CNKSR3: variants seen among roughly 807,000 people sequenced by gnomAD.
The protein encoded by CNKSR3 is CNKSR family member 3.
A neutral mutation model predicts 67.7 loss-of-function variants in CNKSR3; 36 were observed. That is an observed-to-expected ratio of 0.53 (90% CI 0.41 to 0.70). CNKSR3 has a LOEUF of 0.70. Among genes scored for constraint, CNKSR3 ranks in the 30% least tolerant of loss-of-function variants. The pLI, the probability that CNKSR3 is intolerant of heterozygous loss-of-function variation, is 0.00. For synonymous variants in CNKSR3, 281 were observed against 271.4 expected (o/e 1.04, Z -0.35); for missense variants, 630 against 695.2 (o/e 0.91, Z 1.05).
chr6:154,489,373 A>C (rs1193542550), intron 1 of CNKSR3, among the ~76,000 whole-genome samples: 2 of 152,192 alleles, frequency 1.3e-5, no homozygotes, highest in Admixed American at 1.3e-4. Context: ...TCGACTAAAA[A>C]TACAAAAATT....
At chr6:154,470,095 T>C (rs1490196821) in intron 1 of CNKSR3, among the ~76,000 whole-genome samples, 13 of 151,786 alleles carry the variant, frequency 8.6e-5, no homozygotes. Context: ...TTTGAGAACA[T>C]TTCCATCACC....
intron 1 of CNKSR3, among the ~76,000 whole-genome samples, chr6:154,502,358 ATTTTT>A (rs541089259): frequency 7.1e-6 from 1 of 141,296 alleles, no homozygotes; most frequent in Non-Finnish European, 1.6e-5. Flanking sequence ...TGCCCAGCTA[ATTTTT>A]TTTTTTTTTT....
rs1784581523 is a variant in CNKSR3, at chr6:154,389,242, A to C, written c.*17112T>G. On this transcript the variant is annotated 3_prime_UTR_variant, in exon 13 of 13. Coordinates refer to ENST00000607772, the MANE Select transcript of CNKSR3 (RefSeq NM_173515.4). ...CTTCAGATTTTATGTTTAAATCTTT[A>C]ATCCATTTTGAGTTGGGTTTTGTAT... The C allele has an allele frequency of 1.3e-5, 2 of 152,256 alleles. No individual in the cohort carries two copies. The highest frequency in any genetic ancestry group is 2.1e-4 in the South Asian group (1 of 4,828). 9.4% of individuals were successfully genotyped at this position (152,256 alleles called of 1,614,324 possible). A position where few individuals can be genotyped will look rare whatever the true frequency, so the allele number is the denominator to read the frequency against.
At chr6:154,415,200 T>A (rs1020860813) in intron 9 of CNKSR3, among the ~76,000 whole-genome samples, 2 of 147,712 alleles carry the variant, frequency 1.4e-5, no homozygotes, top group Admixed American at 1.4e-4. Context: ...ACTCTGGATG[T>A]GATCCTGGCT....
rs1169529228 is a variant in CNKSR3 at position 154,510,534 on chromosome 6, G to A, written c.-420C>T. ...GGTCTTCTCGCCTGCTGGCTCTCCGGGGTCCCCGCTCCGCGTGCGCTGGCG... is the reference window on the plus strand; with the variant it reads ...GGTCTTCTCGCCTGCTGGCTCTCCGAGGTCCCCGCTCCGCGTGCGCTGGCG... On this transcript the variant is annotated 5_prime_UTR_variant, in exon 1 of 13. Coordinates refer to ENST00000607772, the MANE Select transcript of CNKSR3 (RefSeq NM_173515.4). The A allele has an allele frequency of 5.2e-6, 1 of 192,028 alleles. No individual in the cohort carries two copies. Among genetic ancestry groups the A allele is most frequent in the South Asian group, 1.0e-4 (1 of 9,642 alleles). The allele number at this position is 192,028 out of a possible 1,614,324, so 11.9% of individuals were successfully genotyped here.
chr6:154,483,622 G>A (rs535811384), intron 1 of CNKSR3, among the ~76,000 whole-genome samples: 2 of 151,862 alleles, frequency 1.3e-5, no homozygotes, highest in South Asian at 2.1e-4. Context: ...CCCTAGGCAG[G>A]ACACAGAGTC....
intron 1 of CNKSR3, among the ~76,000 whole-genome samples, chr6:154,503,897 A>T (rs1787045011): frequency 6.6e-6 from 1 of 152,228 alleles, no homozygotes; most frequent in African/African-American, 2.4e-5. Flanking sequence ...CAATACTACA[A>T]TAGCAGGACT....
At chr6:154,453,572 A>T (rs144979242) in intron 1 of CNKSR3, among the ~76,000 whole-genome samples, 2 of 152,346 alleles carry the variant, frequency 1.3e-5, no homozygotes, top group African/African-American at 4.8e-5. Context: ...TGTAGCCTGA[A>T]GACTTTGTCC....
intron 10 of CNKSR3, 101 bp downstream of exon 10, chr6:154,414,197 GT>G: frequency 7.9e-7 from 1 of 1,269,248 alleles, no homozygotes; most frequent in Non-Finnish European, 1.1e-6. Context: ...CTGTCACACT[GT>G]GGCTCAGCAA....
Position 154,404,095 on chromosome 6 carries a change from C to T in CNKSR3, c.*2259G>A, listed in dbSNP as rs906877746. On this transcript the variant is annotated 3_prime_UTR_variant, in exon 13 of 13. Coordinates refer to ENST00000607772, the MANE Select transcript of CNKSR3 (RefSeq NM_173515.4). ...GAGACCTCCCCAGCCCACACCCCAC[C>T]CTCCTAGTGTGTTGAACACCCTGTG... 1 of 152,312 alleles carries T rather than the reference C, an allele frequency of 6.6e-6. No homozygotes were observed. Among genetic ancestry groups the T allele is most frequent in the Non-Finnish European group, 1.5e-5 (1 of 68,096 alleles). 9.4% of individuals were successfully genotyped at this position (152,312 alleles called of 1,614,324 possible).
In CNKSR3 at chr6:154,415,228, A is replaced by ATTTTTTTTTTTTTTTTTTT. The variant is rs35873703; in HGVS notation, c.946-824_946-806dup. The stretch of plus-strand genomic sequence containing the variant: ...TCCTGGCTAGACTTACTAGCTGCCC[A>ATTTTTTTTTTTTTTTTTTT]TTTTTTTTTTTTTTTTTTTTAAGAT... On this transcript the variant is annotated intron_variant, in intron 9 of 12. Coordinates refer to ENST00000607772, the MANE Select transcript of CNKSR3 (RefSeq NM_173515.4). Among the ~76,000 whole-genome samples the ATTTTTTTTTTTTTTTTTTT allele has an allele frequency of 5.3e-4, 63 of 118,108 alleles. 8 individuals carry two copies. In the East Asian group the frequency reaches 6.5e-3, roughly 12 times the overall value. 77.5% of individuals were successfully genotyped at this position (118,108 alleles called of 152,430 possible).
intron 9 of CNKSR3, among the ~76,000 whole-genome samples, 157 bp downstream of exon 9, chr6:154,422,349 T>C (rs750599367): frequency 3.9e-5 from 6 of 152,212 alleles, no homozygotes; most frequent in Non-Finnish European, 8.8e-5. Flanking sequence ...TCCATGTAGA[T>C]CTAGAATTCA....
In CNKSR3 at chr6:154,440,772, T is replaced by C. The variant is rs192933469; in HGVS notation, c.507+520A>G. 5.0e-4 allele frequency among the ~76,000 whole-genome samples: 76 copies of C among 152,310 alleles called. No individual in the cohort carries two copies. The Middle Eastern group carries it at 0.01, about 20-fold the overall frequency. On this transcript the variant is annotated intron_variant, in intron 4 of 12. Coordinates refer to ENST00000607772, the MANE Select transcript of CNKSR3 (RefSeq NM_173515.4). ...CTTGAAATGAGGAGTCGGAGGTGAT[T>C]GCCCTCTAGCCCTGACCCATTTGGA...
intron 1 of CNKSR3, among the ~76,000 whole-genome samples, chr6:154,461,470 A>G (rs574260807): frequency 6.6e-6 from 1 of 152,354 alleles, no homozygotes; most frequent in Admixed American, 6.5e-5. Flanking sequence ...CTCTGCACCA[A>G]CTATACAGGC....
chr6:154,411,081 G>A lies in CNKSR3; in HGVS notation c.1132C>T (p.Pro378Ser). The A allele has an allele frequency of 1.2e-6, 2 of 1,614,042 alleles. No individual in the cohort carries two copies. The highest frequency in any genetic ancestry group is 1.7e-6 in the Non-Finnish European group (2 of 1,179,978). The change falls in exon 11 of 13, where the codon CCT becomes TCT. Residue 378 changes from proline (P) to serine (S), a missense_variant. Physicochemically the swap from Pro to Ser is moderately conservative, Grantham distance 74. This residue lies in a region of CNKSR3 where 308 missense variants were observed against 299.6 expected (regional missense o/e 1.03). Coordinates refer to ENST00000607772, the MANE Select transcript of CNKSR3 (RefSeq NM_173515.4). The stretch of plus-strand genomic sequence containing the variant: ...GAATTCGGGGACTCTGAACCCTTAG[G>A]ACCAGGCAATGGTTGTTTGCACTTA... ...SSKCKQPLPG[P>S]KGSESPNSFL...
At chr6:154,505,481 TTTA>T (rs765888649) in intron 1 of CNKSR3, among the ~76,000 whole-genome samples, 18 of 145,360 alleles carry the variant, frequency 1.2e-4, no homozygotes, top group South Asian at 4.3e-4. Flanking sequence ...ACTACACAAT[TTTA>T]TTATTATTAT....
intron 2 of CNKSR3, among the ~76,000 whole-genome samples, chr6:154,444,200 C>G (rs2128718128): frequency 6.6e-6 from 1 of 152,292 alleles, no homozygotes; most frequent in Admixed American, 6.5e-5. Flanking sequence ...TAACAGAATA[C>G]TTAACATTAT....
At chr6:154,506,056 C>T (rs1466398730) in intron 1 of CNKSR3, among the ~76,000 whole-genome samples, 1 of 152,104 alleles carries the variant, frequency 6.6e-6, no homozygotes, top group African/African-American at 2.4e-5. Flanking sequence ...AGATATAATG[C>T]TTTTTCTAAA....
At chr6:154,470,231 C>CA (rs1786298915) in intron 1 of CNKSR3, among the ~76,000 whole-genome samples, 2 of 111,516 alleles carry the variant, frequency 1.8e-5, no homozygotes, top group African/African-American at 7.0e-5. Context: ...GACAGGGTCT[C>CA]ACTCCATTGC....
Sources: allele counts gnomAD v4.1 joint callset (sites outside exome capture counted in the v4.1 genomes callset), GRCh38; gene constraint gnomAD v4.1.1; regional missense constraint gnomAD v4.1.1; transcripts MANE v1.5; gene names NCBI Gene and HGNC (gene_info 2026-07-23, HGNC 2026-07-21).